Variants in ADAMTSL1 observed in about 807,000 individuals in gnomAD.
ADAMTSL1 encodes the protein ADAMTS-like protein 1.
A neutral mutation model predicts 201.8 loss-of-function variants in ADAMTSL1; 126 were observed. That is an observed-to-expected ratio of 0.62 (90% CI 0.54 to 0.72). The LOEUF (loss-of-function observed/expected upper bound fraction) is 0.72. ADAMTSL1 is among the 30% of genes least tolerant of loss of function. ADAMTSL1 has a pLI of 0.00. For missense variants in ADAMTSL1, 2,679 were observed against 2,277.8 expected (o/e 1.18, Z -3.59); for synonymous variants, 1,121 against 903.4 (o/e 1.24, Z -4.32).
At chr9:18,634,859 A>ATATATATATATATATATT (rs1827002832) in intron 5 of ADAMTSL1, among the ~76,000 whole-genome samples, 2 of 41,874 alleles carry the variant, frequency 4.8e-5, no homozygotes, top group Admixed American at 2.3e-4. Context: ...GAATATGTAA[A>ATATATATATATATATATT]TATATATATA....
intron 1 of ADAMTSL1, among the ~76,000 whole-genome samples, chr9:18,498,736 G>A (rs899888589): frequency 6.6e-6 from 1 of 152,188 alleles, no homozygotes; most frequent in Non-Finnish European, 1.5e-5. Context: ...TCACTCTAAA[G>A]TCTGTGCTCT....
intron 9 of ADAMTSL1, among the ~76,000 whole-genome samples, chr9:18,664,109 T>A (rs1269804008): frequency 6.6e-6 from 1 of 151,984 alleles, no homozygotes; most frequent in Non-Finnish European, 1.5e-5. Context: ...ATTGAAGAAG[T>A]AATTAGACAA....
chr9:18,828,978 C>A (rs1430380863), intron 22 of ADAMTSL1, among the ~76,000 whole-genome samples: 4 of 151,844 alleles, frequency 2.6e-5, no homozygotes, highest in African/African-American at 9.7e-5. Flanking sequence ...CCAACAAGTG[C>A]TCTGGAGAAA....
chr9:18,467,942 A>T (rs1262710300), intron 2 of ADAMTSL1, among the ~76,000 whole-genome samples: 1 of 152,186 alleles, frequency 6.6e-6, no homozygotes, highest in Non-Finnish European at 1.5e-5. Context: ...TAATTGTTTT[A>T]TCTGTGGAGG....
At chr9:18,447,661 C>T (rs1376420649) in intron 2 of ADAMTSL1, among the ~76,000 whole-genome samples, 1 of 152,224 alleles carries the variant, frequency 6.6e-6, no homozygotes, top group Admixed American at 6.5e-5. Context: ...AGGACATACA[C>T]TGCTAAAGAG....
chr9:18,546,345 C>G (rs1009303639), intron 3 of ADAMTSL1, among the ~76,000 whole-genome samples: 3 of 151,958 alleles, frequency 2.0e-5, no homozygotes, highest in African/African-American at 7.2e-5. Context: ...CAGGATCTTG[C>G]CTGTCCCCCA....
chr9:18,114,965 T>A (rs1322451962), intron 1 of ADAMTSL1, among the ~76,000 whole-genome samples: 1 of 152,198 alleles, frequency 6.6e-6, no homozygotes, highest in Admixed American at 6.5e-5. Flanking sequence ...AAGGGACTTT[T>A]GCTGATACCT....
At chr9:17,965,959 A>G (rs1817965018) in intron 1 of ADAMTSL1, among the ~76,000 whole-genome samples, 3 of 152,184 alleles carry the variant, frequency 2.0e-5, no homozygotes, top group Admixed American at 2.0e-4. Context: ...GGTCTTCTCT[A>G]CTTTGTTCTT....
At chr9:18,376,136 C>T (rs115265324) in intron 2 of ADAMTSL1, among the ~76,000 whole-genome samples, 1,839 of 152,298 alleles carry the variant, frequency 0.012, 35 homozygotes, top group African/African-American at 0.042. Context: ...AGAAACTTCC[C>T]ATGCAGTAAA....
At chr9:18,886,963 C>T (rs558768492) in intron 23 of ADAMTSL1, among the ~76,000 whole-genome samples, 1 of 152,268 alleles carries the variant, frequency 6.6e-6, no homozygotes, top group South Asian at 2.1e-4. Flanking sequence ...TCTTAACTGT[C>T]CCCAGAGCAG....
At chr9:18,899,874 G>A (rs1829901053) in intron 26 of ADAMTSL1, among the ~76,000 whole-genome samples, 2 of 152,118 alleles carry the variant, frequency 1.3e-5, no homozygotes, top group Non-Finnish European at 2.9e-5. Context: ...CAGAACATAG[G>A]CATAGGCAAA....
chr9:18,788,832 CTT>C (rs1167104426), intron 19 of ADAMTSL1, among the ~76,000 whole-genome samples: 1 of 148,392 alleles, frequency 6.7e-6, no homozygotes, highest in Non-Finnish European at 1.5e-5. Context: ...CTCATTTGCT[CTT>C]GTTTGTATTC....
At chr9:18,704,994 A>G (rs1417926716) in intron 13 of ADAMTSL1, among the ~76,000 whole-genome samples, 3 of 152,236 alleles carry the variant, frequency 2.0e-5, no homozygotes, top group Non-Finnish European at 4.4e-5. Flanking sequence ...GCCATGCCTC[A>G]GAGCACTGAG....
intron 4 of ADAMTSL1, among the ~76,000 whole-genome samples, chr9:18,577,231 A>T (rs1313816734): frequency 6.6e-6 from 1 of 152,206 alleles, no homozygotes; most frequent in African/African-American, 2.4e-5. Flanking sequence ...CATGCCTGTA[A>T]TCTGGGCATT....
intron 1 of ADAMTSL1, among the ~76,000 whole-genome samples, chr9:17,926,821 G>C (rs1421881066): frequency 2.0e-5 from 3 of 152,248 alleles, no homozygotes; most frequent in Middle Eastern, 3.4e-3. Flanking sequence ...TATGTGTACA[G>C]AGATTCTCCG....
At chr9:18,290,843 G>A (rs1454061578) in intron 2 of ADAMTSL1, among the ~76,000 whole-genome samples, 3 of 149,750 alleles carry the variant, frequency 2.0e-5, no homozygotes, top group Non-Finnish European at 3.0e-5. Flanking sequence ...GTGCAGTGGC[G>A]CCATCTTGGC....
At chr9:18,067,092 C>G (rs1316723232) in intron 1 of ADAMTSL1, among the ~76,000 whole-genome samples, 1 of 152,000 alleles carries the variant, frequency 6.6e-6, no homozygotes, top group Admixed American at 6.6e-5. Flanking sequence ...ACATATGTAA[C>G]TAACCTGCAC....
intron 7 of ADAMTSL1, among the ~76,000 whole-genome samples, chr9:18,648,427 A>C (rs979562972): frequency 4.6e-5 from 7 of 152,094 alleles, no homozygotes; most frequent in African/African-American, 1.7e-4. Context: ...TGATCCTGTC[A>C]TTATGATGTT....
intron 2 of ADAMTSL1, among the ~76,000 whole-genome samples, chr9:18,262,718 C>G (rs1831971024): frequency 6.6e-6 from 1 of 152,092 alleles, no homozygotes; most frequent in South Asian, 2.1e-4. Flanking sequence ...AGGAAAAGAC[C>G]AAGGGAATTC....
Sources: gnomAD v4.1 joint callset for allele counts (sites outside exome capture counted in the v4.1 genomes callset) on GRCh38, gnomAD v4.1.1 for gene constraint, MANE v1.5 for transcripts, NCBI Gene and HGNC (gene_info 2026-07-23, HGNC 2026-07-21) for gene names.